Variants in GTF2F2 observed in about 807,000 individuals in gnomAD.
GTF2F2 encodes general transcription factor IIF subunit 2.
A neutral mutation model predicts 42.2 loss-of-function variants in GTF2F2; 23 were observed. The observed-to-expected ratio is 0.55, with a 90% CI of 0.39 to 0.77. GTF2F2 has a LOEUF of 0.77. GTF2F2 is among the 30% of genes least tolerant of loss of function. The pLI, the probability that GTF2F2 is intolerant of heterozygous loss-of-function variation, is 0.00. For missense variants in GTF2F2, 261 were observed against 287.2 expected, an observed-to-expected ratio of 0.91 and a Z score of 0.66; for synonymous variants, 105 against 100.8, an observed-to-expected ratio of 1.04 and a Z score of -0.25.
At chr13:45,214,575 C>A (rs568649833) in intron 5 of GTF2F2, among the ~76,000 whole-genome samples, 1 of 152,172 alleles carries the variant, frequency 6.6e-6, no homozygotes, top group Admixed American at 6.5e-5. Flanking sequence ...TCTACTACTT[C>A]TCTTACTTTT....
intron 7 of GTF2F2, among the ~76,000 whole-genome samples, chr13:45,275,447 CT>C (rs1876991268): frequency 6.9e-6 from 1 of 144,342 alleles, no homozygotes; most frequent in Non-Finnish European, 1.5e-5. Context: ...TGCTATCCCT[CT>C]CCCCTCCCCC....
In GTF2F2 at chr13:45,124,351, G is replaced by C. The variant is rs537730038; in HGVS notation, c.66+3630G>C. The stretch of plus-strand genomic sequence containing the variant: ...CCCGCCTCTGCCTCCCAAAGTGCTG[G>C]GATTACAGGCGTGAGCCACTGCACC... On this transcript the variant is annotated intron_variant, in intron 1 of 7. Transcript: ENST00000340473. 1.5e-3 allele frequency among the ~76,000 whole-genome samples: 221 copies of C among 151,582 alleles called. 2 individuals are homozygous for C. Among genetic ancestry groups the C allele is most frequent in the Non-Finnish European group, 2.1e-4 (14 of 67,816 alleles).
chr13:45,179,814 A>G (rs1015140900), intron 4 of GTF2F2, among the ~76,000 whole-genome samples: 5 of 152,200 alleles, frequency 3.3e-5, no homozygotes, highest in African/African-American at 1.2e-4. Flanking sequence ...TTAGCCCACC[A>G]TTATAGAGAA....
chr13:45,128,382 G>A (rs991192717), intron 1 of GTF2F2, among the ~76,000 whole-genome samples: 6 of 148,870 alleles, frequency 4.0e-5, no homozygotes, highest in Non-Finnish European at 6.0e-5. Context: ...AGACCAGCCT[G>A]ACCAATATGG....
intron 5 of GTF2F2, among the ~76,000 whole-genome samples, chr13:45,218,106 C>T (rs933634355): frequency 2.0e-5 from 3 of 152,170 alleles, no homozygotes; most frequent in African/African-American, 7.2e-5. Context: ...TATAGATTGG[C>T]CCCAAACACA....
chr13:45,256,628 A>T (rs952121467), intron 6 of GTF2F2, among the ~76,000 whole-genome samples: 2 of 152,172 alleles, frequency 1.3e-5, no homozygotes, highest in African/African-American at 4.8e-5. Flanking sequence ...AGGCACCTGC[A>T]TAGCTTTAAA....
chr13:45,225,967 G>T (rs943804129), intron 5 of GTF2F2, among the ~76,000 whole-genome samples: 6 of 151,688 alleles, frequency 4.0e-5, no homozygotes, highest in Non-Finnish European at 7.4e-5. Flanking sequence ...AAGTATGAAA[G>T]AATTGGCAGA....
intron 7 of GTF2F2, among the ~76,000 whole-genome samples, chr13:45,276,578 A>T (rs184878814): frequency 6.6e-6 from 1 of 152,182 alleles, no homozygotes; most frequent in Non-Finnish European, 1.5e-5. Flanking sequence ...CTGGGACTAC[A>T]GGTGCCTGAC....
chr13:45,185,989 T>TC (rs1459609485), intron 4 of GTF2F2, among the ~76,000 whole-genome samples: 1 of 152,148 alleles, frequency 6.6e-6, no homozygotes, highest in Non-Finnish European at 1.5e-5. Context: ...TTTTTTTTTT[T>TC]CTTGAGGCAG....
chr13:45,133,286 A>G (rs1156732979), intron 1 of GTF2F2, among the ~76,000 whole-genome samples: 5 of 152,148 alleles, frequency 3.3e-5, no homozygotes, highest in Admixed American at 6.5e-5. Flanking sequence ...TTGGGAGTCA[A>G]AGTGAGGTGG....
rs570064350 is a variant in GTF2F2, at chr13:45,167,276, C to G, written c.304+15445C>G. On this transcript the variant is annotated intron_variant, in intron 4 of 7. Coordinates refer to ENST00000340473, the MANE Select transcript of GTF2F2 (RefSeq NM_004128.3). Reference sequence around the variant, plus strand: ...TAAAGATGGAGTCTCGCTCTGTTGCCCAGGCTGGAGTGCAGTGTTGCAGTC... The same window carrying G: ...TAAAGATGGAGTCTCGCTCTGTTGCGCAGGCTGGAGTGCAGTGTTGCAGTC... Among the ~76,000 whole-genome samples the G allele has an allele frequency of 2.1e-4, 31 of 150,540 alleles. No individual in the cohort carries two copies. In the South Asian group the frequency reaches 3.4e-3, roughly 16 times the overall value.
At chr13:45,241,993 C>T (rs1242797865) in intron 5 of GTF2F2, among the ~76,000 whole-genome samples, 2 of 152,148 alleles carry the variant, frequency 1.3e-5, no homozygotes, top group Non-Finnish European at 2.9e-5. Context: ...AATACATTTA[C>T]TTGTTAATTC....
intron 5 of GTF2F2, among the ~76,000 whole-genome samples, chr13:45,214,667 A>G (rs1873819137): frequency 6.6e-6 from 1 of 152,214 alleles, no homozygotes; most frequent in African/African-American, 2.4e-5. Context: ...TATACTTAAT[A>G]TCACATCATG....
At chr13:45,269,081 C>T (rs912483802) in intron 7 of GTF2F2, among the ~76,000 whole-genome samples, 13 of 152,030 alleles carry the variant, frequency 8.6e-5, no homozygotes, top group Non-Finnish European at 1.6e-4. Flanking sequence ...TCATAGAAGC[C>T]GCTGATCTCA....
chr13:45,277,147 C>A (rs1016703360), intron 7 of GTF2F2, among the ~76,000 whole-genome samples: 1 of 152,132 alleles, frequency 6.6e-6, no homozygotes, highest in East Asian at 1.9e-4. Context: ...CCTAGCATCG[C>A]CTTTCCTCTA....
At chr13:45,180,286 C>T (rs186156065) in intron 4 of GTF2F2, among the ~76,000 whole-genome samples, 10 of 152,258 alleles carry the variant, frequency 6.6e-5, no homozygotes, top group Admixed American at 4.6e-4. Flanking sequence ...TTCACAGTTA[C>T]ATCTCTTTTC....
chr13:45,130,502 T>G (rs560807323), intron 1 of GTF2F2, among the ~76,000 whole-genome samples: 3 of 152,250 alleles, frequency 2.0e-5, no homozygotes, highest in Non-Finnish European at 4.4e-5. Context: ...TGGGCAAAAG[T>G]GGAAGCAAGG....
chr13:45,213,426 C>A (rs1356735405), intron 5 of GTF2F2, among the ~76,000 whole-genome samples: 1 of 152,108 alleles, frequency 6.6e-6, no homozygotes, highest in African/African-American at 2.4e-5. Flanking sequence ...CTTTCTGAGC[C>A]TTTAAAACCA....
Position 45,221,439 on chromosome 13 carries a change from A to G in GTF2F2, c.386+13934A>G, listed in dbSNP as rs75812365. Among the ~76,000 whole-genome samples the G allele has an allele frequency of 2.8e-4, 42 of 152,294 alleles. 1 individual carries two copies. The East Asian group carries it at 7.3e-3, about 27-fold the overall frequency. On this transcript the variant is annotated intron_variant, in intron 5 of 7. Coordinates refer to ENST00000340473, the MANE Select transcript of GTF2F2 (RefSeq NM_004128.3). ...TGTTCATACATTATTAAAAATTTCA[A>G]AAAGACCACTGAGGGACTTATCCAT... is the stretch of plus-strand genomic sequence containing the variant.
Sources: allele counts gnomAD v4.1 joint callset (sites outside exome capture counted in the v4.1 genomes callset), GRCh38; gene constraint gnomAD v4.1.1; transcripts MANE v1.5; gene names NCBI Gene and HGNC (gene_info 2026-07-23, HGNC 2026-07-21).